KIF3C: variants seen among roughly 807,000 people sequenced by gnomAD.
The protein encoded by KIF3C is kinesin family member 3C.
A neutral mutation model predicts 67.7 loss-of-function variants in KIF3C; 12 were observed. The ratio of observed to expected loss-of-function variants is 0.18; its 90% confidence interval spans 0.11 to 0.29. The LOEUF (loss-of-function observed/expected upper bound fraction) is 0.29, where lower values mean the gene tolerates loss of function less well. Ranked by LOEUF, KIF3C falls within the 10% of genes least tolerant of loss-of-function variation. The pLI is 1.00. For missense variants in KIF3C, 789 were observed against 1,059.6 expected, an observed-to-expected ratio of 0.74 and a Z score of 3.55; for synonymous variants, 393 against 426.2, an observed-to-expected ratio of 0.92 and a Z score of 0.96.
chr2:25,954,178 ACAGT>A (rs1432068730), intron 4 of KIF3C, 85 bp downstream of exon 4: 9 of 910,982 alleles, frequency 9.9e-6, no homozygotes, highest in Middle Eastern at 4.3e-4. Context: ...GGGAGAGGAG[ACAGT>A]CAGGATGAGG....
intron 4 of KIF3C, among the ~76,000 whole-genome samples, chr2:25,953,837 T>G (rs2384315): frequency 0.14 from 20,776 of 151,546 alleles, 3,765 homozygotes; most frequent in East Asian, 0.88. Context: ...CCGGCTAATT[T>G]TTGTATTTTT....
chr2:25,973,428 C>T (rs1264130069), intron 1 of KIF3C, among the ~76,000 whole-genome samples: 1 of 151,930 alleles, frequency 6.6e-6, no homozygotes, highest in South Asian at 2.1e-4. Context: ...GTGGCGTGCA[C>T]CTGTAATCCC....
Position 25,929,491 on chromosome 2 carries a change from A to T in KIF3C, c.2116-14T>A. ...TATGTTTTCAGCCTGTGGTGGGAAT[A>T]TCATGCCAGGCTTGAACAGTGCCCA... On this transcript the variant is annotated splice_polypyrimidine_tract_variant and intron_variant, in intron 6 of 7. Transcript: ENST00000264712. 6.2e-7 allele frequency: 1 copy of T among 1,612,640 alleles called. No individual in the cohort carries two copies. The highest frequency in any genetic ancestry group is 8.5e-7 in the Non-Finnish European group (1 of 1,179,158).
At chr2:25,978,302 C>T (rs1329467150) in intron 1 of KIF3C, among the ~76,000 whole-genome samples, 1 of 152,176 alleles carries the variant, frequency 6.6e-6, no homozygotes, top group African/African-American at 2.4e-5. Context: ...GTACCCACCC[C>T]TTGGGGTTGT....
intron 5 of KIF3C, among the ~76,000 whole-genome samples, chr2:25,950,486 T>C (rs1362181602): frequency 6.6e-6 from 1 of 151,608 alleles, no homozygotes; most frequent in South Asian, 2.1e-4. Context: ...CCTCCCAAAG[T>C]GCTGAGATTA....
At chr2:25,939,509 T>C (rs1015179569) in intron 5 of KIF3C, among the ~76,000 whole-genome samples, 8 of 152,204 alleles carry the variant, frequency 5.3e-5, no homozygotes, top group Non-Finnish European at 1.0e-4. Context: ...CTTCACACTG[T>C]CTTCAATTCT....
chr2:25,943,678 A>C (rs1286885051), intron 5 of KIF3C, among the ~76,000 whole-genome samples: 1 of 152,074 alleles, frequency 6.6e-6, no homozygotes, highest in Non-Finnish European at 1.5e-5. Context: ...GATGGAGAGT[A>C]GAGATGGAGA....
intron 5 of KIF3C, among the ~76,000 whole-genome samples, chr2:25,932,854 A>G (rs1167450299): frequency 6.7e-6 from 1 of 148,186 alleles, no homozygotes; most frequent in Non-Finnish European, 1.5e-5. Context: ...AAAACAAAAC[A>G]AAACAAAACA....
At position 25,930,028 on chromosome 2, in the gene KIF3C, G is replaced by A; in HGVS notation, c.2042C>T (p.Ala681Val). The A allele has an allele frequency of 1.2e-6, 2 of 1,614,092 alleles. No individual in the cohort carries two copies. Among genetic ancestry groups the A allele is most frequent in the Non-Finnish European group, 1.7e-6 (2 of 1,179,936 alleles). Residue 681 changes from alanine to valine, a missense_variant, in exon 6 of 8, where the codon GCA becomes GTA. This residue lies in a region of KIF3C where 648 missense variants were observed against 807.8 expected (regional missense o/e 0.80). Transcript: ENST00000264712. Reference sequence around the variant, plus strand: ...GCTGATAGGCCTCTTGTAGCCCACTGCAGATGTTGGCCGCTTCTTCATCTG... The same window carrying A: ...GCTGATAGGCCTCTTGTAGCCCACTACAGATGTTGGCCGCTTCTTCATCTG... ...SSQMKKRPTSAVGYKRPISQY... is the reference protein window; with the variant it reads ...SSQMKKRPTSVVGYKRPISQY...
intron 7 of KIF3C, 109 bp downstream of exon 7, chr2:25,929,196 G>T: frequency 1.4e-6 from 2 of 1,406,082 alleles, no homozygotes; most frequent in Non-Finnish European, 2.0e-6. Flanking sequence ...GTCACCCCTT[G>T]CCCTTCCTGC....
intron 5 of KIF3C, among the ~76,000 whole-genome samples, chr2:25,931,246 C>G (rs1038313715): frequency 6.6e-6 from 1 of 151,908 alleles, no homozygotes; most frequent in Non-Finnish European, 1.5e-5. Context: ...CACCTGAGGT[C>G]AGTAGTTCGA....
chr2:25,956,214 G>T, intron 2 of KIF3C, 129 bp downstream of exon 2: 1 of 711,178 alleles, frequency 1.4e-6, no homozygotes, highest in South Asian at 1.7e-5. Context: ...GACCCAGGGT[G>T]GCATGTCTGA....
chr2:25,930,866 A>C (rs533310925), intron 5 of KIF3C, among the ~76,000 whole-genome samples: 3 of 152,036 alleles, frequency 2.0e-5, no homozygotes, highest in African/African-American at 7.2e-5. Flanking sequence ...TTGTATTTTT[A>C]GTAGAGATGG....
chr2:25,942,791 A>G (rs1237609554), intron 5 of KIF3C, among the ~76,000 whole-genome samples: 1 of 152,214 alleles, frequency 6.6e-6, no homozygotes, highest in South Asian at 2.1e-4. Context: ...TTTTATATCA[A>G]ATAATGGCTA....
At chr2:25,970,813 A>C (rs751449148) in intron 1 of KIF3C, among the ~76,000 whole-genome samples, 4 of 151,924 alleles carry the variant, frequency 2.6e-5, no homozygotes, top group Non-Finnish European at 5.9e-5. Context: ...CTGCATGTAC[A>C]TTAGCTAGTG....
rs1663777609 is a variant in KIF3C, at chr2:25,955,296, G to A, written c.1770+245C>T. Among the ~76,000 whole-genome samples, 1 of 152,070 alleles carries A rather than the reference G, an allele frequency of 6.6e-6. No individual in the cohort carries two copies. Among genetic ancestry groups the A allele is most frequent in the Non-Finnish European group, 1.5e-5 (1 of 68,020 alleles). The stretch of plus-strand genomic sequence containing the variant: ...CCAGGACCATGAAGATGGTAACGCT[G>A]GATACTGCAAGTGACAGAGTTTGCA... On this transcript the variant is annotated intron_variant, in intron 3 of 7. Transcript: ENST00000264712. The surrounding 1 kb of genome is among the most constrained non-coding windows in gnomAD (Gnocchi z 5.0).
intron 5 of KIF3C, among the ~76,000 whole-genome samples, chr2:25,949,249 T>C (rs1171748842): frequency 6.6e-6 from 1 of 152,118 alleles, no homozygotes; most frequent in African/African-American, 2.4e-5. Flanking sequence ...GAATTCTTTA[T>C]ACTATTCTTG....
chr2:25,934,942 T>TA (rs879902875), intron 5 of KIF3C, among the ~76,000 whole-genome samples: 80 of 135,216 alleles, frequency 5.9e-4, no homozygotes, highest in African/African-American at 6.1e-4. Flanking sequence ...AGCTCTAATT[T>TA]AAAAAAAAAA....
At chr2:25,939,424 T>A (rs1314923104) in intron 5 of KIF3C, among the ~76,000 whole-genome samples, 1 of 152,176 alleles carries the variant, frequency 6.6e-6, no homozygotes, top group East Asian at 1.9e-4. Flanking sequence ...CTGCCCTGCT[T>A]GTCTGAACTC....
Sources: gnomAD v4.1 joint callset for allele counts (sites outside exome capture counted in the v4.1 genomes callset) on GRCh38, gnomAD v4.1.1 for gene constraint, gnomAD v4.1.1 regional missense constraint, Gnocchi (gnomAD v3.1) non-coding constraint, MANE v1.5 for transcripts, NCBI Gene and HGNC (gene_info 2026-07-23, HGNC 2026-07-21) for gene names.